OPLAH: variants seen among roughly 807,000 people sequenced by gnomAD.
The protein encoded by OPLAH is 5-oxoprolinase.
Under a neutral mutation model 122.8 loss-of-function variants are expected in OPLAH, and 103 were observed. The observed-to-expected ratio is 0.84, with a 90% CI of 0.71 to 0.99. The LOEUF (loss-of-function observed/expected upper bound fraction) is 0.99, where lower values mean the gene tolerates loss of function less well. Ranked by LOEUF, OPLAH falls within the 50% of genes least tolerant of loss-of-function variation. The probability of loss-of-function intolerance (pLI) is 0.00; values close to 1 mark genes in which losing one functional copy is unlikely to be tolerated. For missense variants in OPLAH, 1,902 were observed against 1,836.5 expected, an observed-to-expected ratio of 1.04 and a Z score of -0.65; for synonymous variants, 875 against 796.0, an observed-to-expected ratio of 1.10 and a Z score of -1.67.
At chr8:144,051,202 C>T (rs1554757544), downstream of OPLAH, 11 of 1,493,006 alleles carry the variant, frequency 7.4e-6, no homozygotes, top group African/African-American at 2.9e-5. Flanking sequence ...TCAGTGTCCT[C>T]CTAAGGCAAG....
At position 144,051,459 on chromosome 8, in the gene OPLAH, A is replaced by C; in HGVS notation, c.3734T>G (p.Leu1245Arg). The change falls in exon 27 of 27, where the codon CTC becomes CGC. Residue 1245 changes from leucine to arginine, a missense_variant. By Grantham distance (102) the Leu-to-Arg change is moderately radical. Coordinates refer to ENST00000618853, the MANE Select transcript of OPLAH (RefSeq NM_017570.5). Reference protein sequence around the residue: ...VTVYPGDVFCLHTPGGGGYGD... With the variant: ...VTVYPGDVFCRHTPGGGGYGD... ...ATAGCCACCGCCGCCGGGCGTGTGG[A>C]GACAGAACACATCCTGTTGGCGCGG... 7.3e-7 allele frequency: 1 copy of C among 1,368,592 alleles called. No individual in the cohort carries two copies. The highest frequency in any genetic ancestry group is 9.7e-7 in the Non-Finnish European group (1 of 1,034,358). The allele number at this position is 1,368,592 out of a possible 1,614,324, so 84.8% of individuals were successfully genotyped here.
In OPLAH at chr8:144,052,492, AC is replaced by A. The variant is rs1554757924; in HGVS notation, c.3259del (p.Val1087TrpfsTer18). ...CCCAAAGGCCCCCAGGATGACATCC[AC>A]CACGCGCTGCGACGTGAGCACGTTG... ...GGNVLTSQRV[V>X]DVILGAFGAC... is the part of the protein sequence containing the mutation. On this transcript the variant is annotated frameshift_variant, in exon 23 of 27. Coordinates refer to ENST00000618853, the MANE Select transcript of OPLAH (RefSeq NM_017570.5). LOFTEE classifies it high-confidence loss of function. 11 of 1,565,784 alleles carry A rather than the reference AC, an allele frequency of 7.0e-6. No homozygotes were observed. The highest frequency in any genetic ancestry group is 9.5e-6 in the Non-Finnish European group (11 of 1,162,492).
At chr8:144,063,489 G>A (rs1835695802), upstream of OPLAH, among the ~76,000 whole-genome samples, 3 of 152,342 alleles carry the variant, frequency 2.0e-5, no homozygotes, top group South Asian at 6.2e-4. This position sits in a 1 kb window ranked among gnomAD's most constrained non-coding sequence, Gnocchi z 4.2. Flanking sequence ...CCTGGCACAG[G>A]CTGTTCCCTG....
Position 144,055,275 on chromosome 8 carries a change from T to C in OPLAH, c.2249-86A>G. 2 of 1,366,238 alleles carry C rather than the reference T, an allele frequency of 1.5e-6. No homozygotes were observed. Among genetic ancestry groups the C allele is most frequent in the Non-Finnish European group, 1.9e-6 (2 of 1,042,094 alleles). The allele number at this position is 1,366,238 out of a possible 1,614,324, so 84.6% of individuals were successfully genotyped here. The stretch of plus-strand genomic sequence containing the variant: ...AGGGAGGAACAGGACCCACCAGGAC[T>C]CAAACCCAGGACCCAGGAAAAACCC... On this transcript the variant is annotated intron_variant, in intron 16 of 26. Coordinates refer to ENST00000618853, the MANE Select transcript of OPLAH (RefSeq NM_017570.5). This position sits in a 1 kb window ranked among gnomAD's most constrained non-coding sequence, Gnocchi z 6.5.
intron 19 of OPLAH, 111 bp downstream of exon 19, chr8:144,054,450 A>T: frequency 1.7e-6 from 2 of 1,185,816 alleles, no homozygotes; most frequent in Non-Finnish European, 2.3e-6. Flanking sequence ...CCCAGCCTCA[A>T]GGCAGGCCTG....
In OPLAH at chr8:144,058,368, GGCC is replaced by G; in HGVS notation, c.817_819del (p.Gly273del). ...CCGCTGAAGGTGTCCATGGGCGCCA[GGCC>G]GCCATCGGAGCGCATGAACAACACC... On this transcript the variant is annotated inframe_deletion, in exon 7 of 27. Transcript: ENST00000618853. 6.3e-7 allele frequency: 1 copy of G among 1,593,846 alleles called. No individual in the cohort carries two copies. Among genetic ancestry groups the G allele is most frequent in the Non-Finnish European group, 8.5e-7 (1 of 1,173,762 alleles).
Position 144,060,024 on chromosome 8 carries a change from G to A in OPLAH, c.9C>T (p.Ser3=). 1 of 1,611,862 alleles carries A rather than the reference G, an allele frequency of 6.2e-7. No individual in the cohort carries two copies. The highest frequency in any genetic ancestry group is 8.5e-7 in the Non-Finnish European group (1 of 1,179,454). The change falls in exon 2 of 27, where the codon AGC becomes AGT. Residue 3 remains serine (S), a synonymous_variant. Transcript: ENST00000618853. MG[S]PEGRFHFAID... ...TGGCAAAGTGGAAGCGGCCCTCGGGGCTGCCCATGGTGGTGGGGCTGGAGT... is the reference window on the plus strand; with the variant it reads ...TGGCAAAGTGGAAGCGGCCCTCGGGACTGCCCATGGTGGTGGGGCTGGAGT...
Position 144,057,340 on chromosome 8 carries a change from C to T in OPLAH, c.1423-20G>A. ...TCTTGCCTAGGGAGACAGAAGGGGT[C>T]AGTGGGCTCTCCTACTCTACCCCAT... On this transcript the variant is annotated intron_variant, in intron 10 of 26. Transcript: ENST00000618853. The T allele has an allele frequency of 1.2e-6, 2 of 1,603,482 alleles. No homozygotes were observed. The highest frequency in any genetic ancestry group is 1.7e-6 in the Non-Finnish European group (2 of 1,175,558).
rs565836511 is a variant in OPLAH, at chr8:144,060,052, C to T, written c.-20G>A. 2.0e-5 allele frequency: 32 copies of T among 1,605,360 alleles called. No individual in the cohort carries two copies. The African/African-American group carries it at 3.5e-4, about 17-fold the overall frequency. On this transcript the variant is annotated 5_prime_UTR_variant, in exon 2 of 27. Coordinates refer to ENST00000618853, the MANE Select transcript of OPLAH (RefSeq NM_017570.5). ...GCCCATGGTGGTGGGGCTGGAGTCC[C>T]ACAGGAGCTCTTCAGCTGGTAGCCC... is the stretch of plus-strand genomic sequence containing the variant.
At position 144,057,316 on chromosome 8, in the gene OPLAH, C is replaced by T. The variant is rs782179910; in HGVS notation, c.1427G>A (p.Arg476Lys). 1 of 1,611,362 alleles carries T rather than the reference C, an allele frequency of 6.2e-7. No homozygotes were observed. The highest frequency in any genetic ancestry group is 1.7e-5 in the Admixed American group (1 of 59,878). Residue 476 changes from arginine to lysine, a missense_variant, in exon 11 of 27, where the codon AGA becomes AAA. Physicochemically the swap from Arg to Lys is conservative, Grantham distance 26. This residue lies in a region of OPLAH where 1,726 missense variants were observed against 1,642.1 expected (regional missense o/e 1.05). Transcript: ENST00000618853. ...CRPIRALTQARGHDPSAHVLA... is the reference protein window; with the variant it reads ...CRPIRALTQAKGHDPSAHVLA... ...CACATGGGCTGAGGGGTCATGGCCT[C>T]TTGCCTAGGGAGACAGAAGGGGTCA...
Position 144,053,294 on chromosome 8 carries a change from G to A in OPLAH, c.2786C>T (p.Ala929Val). Reference protein sequence around the residue: ...NLSDLRAQVAANQKGIQLVGE... With the variant: ...NLSDLRAQVAVNQKGIQLVGE... ...CACCAGCTGGATGCCCTTCTGGTTG[G>A]CTGCCACCTGGGCACGGAGGTCCGA... is the stretch of plus-strand genomic sequence containing the variant. The change falls in exon 20 of 27, where the codon GCC becomes GTC. Residue 929 changes from alanine (A) to valine (V), a missense_variant. Ala to Val is a moderately conservative substitution (Grantham distance 64). Coordinates refer to ENST00000618853, the MANE Select transcript of OPLAH (RefSeq NM_017570.5). The A allele has an allele frequency of 3.1e-6, 5 of 1,613,030 alleles. No homozygotes were observed. The highest frequency in any genetic ancestry group is 4.2e-6 in the Non-Finnish European group (5 of 1,179,826).
At chr8:144,053,693 C>T (rs556242334) in intron 19 of OPLAH, among the ~76,000 whole-genome samples, 7 of 152,146 alleles carry the variant, frequency 4.6e-5, no homozygotes, top group South Asian at 2.1e-4. Flanking sequence ...TCCTCAACAC[C>T]CAGAACAGCC....
At position 144,055,255 on chromosome 8, in the gene OPLAH, G is replaced by A. The variant is rs1017966281; in HGVS notation, c.2249-66C>T. The A allele has an allele frequency of 8.2e-6, 12 of 1,456,752 alleles. No individual in the cohort carries two copies. Among genetic ancestry groups the A allele is most frequent in the Non-Finnish European group, 1.1e-5 (12 of 1,100,698 alleles). The allele number at this position is 1,456,752 out of a possible 1,614,324, so 90.2% of individuals were successfully genotyped here. ...CCACAGCCTGGCCCCAGGAAAGGGA[G>A]GAACAGGACCCACCAGGACTCAAAC... On this transcript the variant is annotated intron_variant, in intron 16 of 26. Coordinates refer to ENST00000618853, the MANE Select transcript of OPLAH (RefSeq NM_017570.5). This position sits in a 1 kb window ranked among gnomAD's most constrained non-coding sequence, Gnocchi z 6.5.
chr8:144,052,576 A>C lies in OPLAH; in HGVS notation c.3176T>G (p.Val1059Gly). 5.6e-6 allele frequency: 9 copies of C among 1,596,584 alleles called. No homozygotes were observed. Among genetic ancestry groups the C allele is most frequent in the Non-Finnish European group, 5.9e-6 (7 of 1,177,552 alleles). The change falls in exon 23 of 27, where the codon GTG becomes GGG. Residue 1059 changes from valine (V) to glycine (G), a missense_variant. Transcript: ENST00000618853. ...LNQGCLAPVR[V>G]VIPRGSILDP... ...CAGGATGGAGCCTCGGGGAATGACC[A>C]CGCGCACTGGCGCCAGGCAGCCCTG...
chr8:144,051,252 C>A, downstream of OPLAH: 2 of 1,590,978 alleles, frequency 1.3e-6, no homozygotes, highest in Non-Finnish European at 1.7e-6. Context: ...ACAGACACGA[C>A]TCGGAGCACG....
chr8:144,058,453 C>T (rs1835584009), intron 6 of OPLAH, 43 bp downstream of exon 6: 3 of 1,579,538 alleles, frequency 1.9e-6, no homozygotes, highest in African/African-American at 1.3e-5. Context: ...AAGGCCCAGG[C>T]CCAGGCCCAG....
chr8:144,058,549 C>A lies in OPLAH; in HGVS notation c.730G>T (p.Ala244Ser), dbSNP rs201941411. The A allele has an allele frequency of 1.3e-6, 2 of 1,599,084 alleles. No homozygotes were observed. Among genetic ancestry groups the A allele is most frequent in the East Asian group, 2.2e-5 (1 of 44,818 alleles). Residue 244 changes from alanine (A) to serine (S), a missense_variant, in exon 6 of 27, where the codon GCC becomes TCC. Physicochemically the swap from Ala to Ser is moderately conservative, Grantham distance 99 (BLOSUM62 1). This residue lies in a region of OPLAH where 1,726 missense variants were observed against 1,642.1 expected (regional missense o/e 1.05). Transcript: ENST00000618853. ...AAGCCCTGCACGTAGCGCTGGATGG[C>A]GGGCGTGAGGTAGGCGTCGGCACAG... ...TACADAYLTP[A>S]IQRYVQGFCR...
chr8:144,055,338 G>A lies in OPLAH; in HGVS notation c.2249-149C>T, dbSNP rs1196664905. ...CTGGGGAAGACCAAGTTGACGGTGT[G>A]CCCACTTGGCCACGTCTTAGCCTAT... On this transcript the variant is annotated intron_variant, in intron 16 of 26. Coordinates refer to ENST00000618853, the MANE Select transcript of OPLAH (RefSeq NM_017570.5). The surrounding 1 kb of genome is among the most constrained non-coding windows in gnomAD (Gnocchi z 6.5). 30 of 785,546 alleles carry A rather than the reference G, an allele frequency of 3.8e-5. No individual in the cohort carries two copies. In the African/African-American group the frequency reaches 5.0e-4, roughly 13 times the overall value. The allele number at this position is 785,546 out of a possible 1,614,324, so 48.7% of individuals were successfully genotyped here.
chr8:144,056,983 C>G lies in OPLAH; in HGVS notation c.1671G>C (p.Gln557His). ...LDQRLSRLEE[Q>H]CVDALQAQGF... is the part of the protein sequence containing the mutation. ...CCTGGGCCTGCAGAGCATCCACACACTGCTCCTCCAGGCGGCTCAGCCTCT... is the reference window on the plus strand; with the variant it reads ...CCTGGGCCTGCAGAGCATCCACACAGTGCTCCTCCAGGCGGCTCAGCCTCT... Residue 557 changes from glutamine (Q) to histidine (H), a missense_variant, in exon 12 of 27, where the codon CAG (glutamine) becomes CAC (histidine). Gln to His is a conservative substitution (Grantham distance 24, BLOSUM62 0). Coordinates refer to ENST00000618853, the MANE Select transcript of OPLAH (RefSeq NM_017570.5). 6.3e-7 allele frequency: 1 copy of G among 1,587,934 alleles called. No individual in the cohort carries two copies. The highest frequency in any genetic ancestry group is 8.6e-7 in the Non-Finnish European group (1 of 1,169,000).
Sources: allele counts gnomAD v4.1 joint callset (sites outside exome capture counted in the v4.1 genomes callset), GRCh38; gene constraint gnomAD v4.1.1; regional missense constraint gnomAD v4.1.1; non-coding constraint Gnocchi (gnomAD v3.1); transcripts MANE v1.5; gene names NCBI Gene and HGNC (gene_info 2026-07-23, HGNC 2026-07-21).